The following DUOX1 variants were observed in gnomAD, a reference collection of about 807,000 sequenced individuals.
DUOX1 encodes dual oxidase 1.
Under a neutral mutation model 181.8 loss-of-function variants are expected in DUOX1, and 134 were observed. The observed-to-expected ratio is 0.74, with a 90% CI of 0.64 to 0.85. DUOX1 has a LOEUF of 0.85. Ranked by LOEUF, DUOX1 falls within the 40% of genes least tolerant of loss-of-function variation. DUOX1 has a pLI of 0.00. For synonymous variants in DUOX1, 798 were observed against 832.5 expected, an observed-to-expected ratio of 0.96 and a Z score of 0.71; for missense variants, 1,814 against 2,064.4, an observed-to-expected ratio of 0.88 and a Z score of 2.35.
chr15:45,164,688 C>T, intron 33 of DUOX1, 91 bp from the exon 34 acceptor site: 1 of 1,470,510 alleles, frequency 6.8e-7, no homozygotes, highest in East Asian at 2.3e-5. Context: ...CCAGGCTGGT[C>T]TTGAACTAGG....
intron 25 of DUOX1, 127 bp from the exon 26 acceptor site, chr15:45,153,253 G>C: frequency 1.9e-6 from 1 of 524,004 alleles, no homozygotes; most frequent in South Asian, 2.2e-5. Context: ...AAAGAGGTCA[G>C]AAGTCGAGAC....
At chr15:45,156,037 C>T (rs892422804) in intron 28 of DUOX1, 108 bp downstream of exon 28, 133 of 1,433,172 alleles carry the variant, frequency 9.3e-5, no homozygotes, top group Non-Finnish European at 1.2e-4. Context: ...TTGAAGCATC[C>T]TCTTCACTTC....
chr15:45,154,077 C>A, intron 27 of DUOX1, 77 bp downstream of exon 27: 1 of 1,369,252 alleles, frequency 7.3e-7, no homozygotes, highest in East Asian at 2.3e-5. Flanking sequence ...CACCCCAGAG[C>A]AACCCACGTT....
At chr15:45,138,885 G>T in intron 10 of DUOX1, 181 bp from the exon 11 acceptor site, 1 of 603,160 alleles carries the variant, frequency 1.7e-6, no homozygotes, top group East Asian at 2.8e-5. Context: ...ACTGACAGAG[G>T]GGACACCCCT....
intron 26 of DUOX1, 94 bp downstream of exon 26, chr15:45,153,573 G>A: frequency 1.6e-6 from 2 of 1,277,164 alleles, no homozygotes; most frequent in Non-Finnish European, 2.3e-6. Context: ...CCTTTTGGGT[G>A]GAAAGAAATT....
chr15:45,136,821 C>T (rs1567009162), intron 9 of DUOX1, among the ~76,000 whole-genome samples, 196 bp downstream of exon 9: 2 of 151,864 alleles, frequency 1.3e-5, no homozygotes, highest in Non-Finnish European at 2.9e-5. Context: ...CTTCCATTCT[C>T]CTGCTGCTGG....
intron 30 of DUOX1, 82 bp from the exon 31 acceptor site, chr15:45,162,137 C>T (rs1337904485): frequency 6.5e-7 from 1 of 1,549,110 alleles, no homozygotes; most frequent in African/African-American, 1.4e-5. Context: ...ATATACGTAT[C>T]TACCTTTCCT....
At chr15:45,161,093 G>A (rs1897088125) in intron 29 of DUOX1, 103 bp downstream of exon 29, 20 of 1,535,278 alleles carry the variant, frequency 1.3e-5, no homozygotes, top group Admixed American at 1.9e-5. Flanking sequence ...AGTGGAGCTG[G>A]CAGGTGCCTT....
In DUOX1 at chr15:45,151,909, C is replaced by T. The variant is rs1896814485; in HGVS notation, c.3050C>T (p.Ala1017Val). Residue 1017 changes from alanine to valine, a missense_variant, in exon 24 of 34, where the codon GCG becomes GTG. Ala to Val is a moderately conservative substitution (Grantham distance 64). Around this residue, in one of 5 missense-constraint regions of DUOX1, gnomAD observed 1,064 missense variants for 1,152.9 expected, o/e 0.92. Coordinates refer to ENST00000389037, the MANE Select transcript of DUOX1 (RefSeq NM_175940.3). ...TTCCAGCCCTTGCTGTTCACTGAGG[C>T]GCACCGAGAGAAGTTCCAACGCAGC... Reference protein sequence around the residue: ...TSFQPLLFTEAHREKFQRSCL... With the variant: ...TSFQPLLFTEVHREKFQRSCL... 1 of 1,613,256 alleles carries T rather than the reference C, an allele frequency of 6.2e-7. No homozygotes were observed. The highest frequency in any genetic ancestry group is 2.2e-5 in the East Asian group (1 of 44,810).
chr15:45,136,064 G>A (rs1896304612), intron 7 of DUOX1, 116 bp downstream of exon 7: 2 of 1,521,384 alleles, frequency 1.3e-6, no homozygotes, highest in Non-Finnish European at 1.8e-6. Flanking sequence ...CCCCTCCCCA[G>A]ACAGCCGAGG....
At chr15:45,139,014 C>A in intron 10 of DUOX1, 52 bp from the exon 11 acceptor site, 1 of 1,536,794 alleles carries the variant, frequency 6.5e-7, no homozygotes, top group Non-Finnish European at 8.9e-7. Flanking sequence ...GGCTGTCTAA[C>A]CTCTGACCCC....
chr15:45,151,910 G>T lies in DUOX1; in HGVS notation c.3051G>T (p.Ala1017=), dbSNP rs772864476. 4.3e-6 allele frequency: 7 copies of T among 1,611,958 alleles called. No homozygotes were observed. Among genetic ancestry groups the T allele is most frequent in the African/African-American group, 1.3e-5 (1 of 74,326 alleles). Residue 1017 remains alanine, a synonymous_variant, in exon 24 of 34, where the codon GCG becomes GCT. Coordinates refer to ENST00000389037, the MANE Select transcript of DUOX1 (RefSeq NM_175940.3). The part of the protein sequence containing the change: ...TSFQPLLFTE[A]HREKFQRSCL... ...TCCAGCCCTTGCTGTTCACTGAGGCGCACCGAGAGAAGTTCCAACGCAGCT... is the reference window on the plus strand; with the variant it reads ...TCCAGCCCTTGCTGTTCACTGAGGCTCACCGAGAGAAGTTCCAACGCAGCT...
At chr15:45,131,300 C>G (rs1157470524) in intron 1 of DUOX1, among the ~76,000 whole-genome samples, 1 of 152,208 alleles carries the variant, frequency 6.6e-6, no homozygotes, top group Non-Finnish European at 1.5e-5. Flanking sequence ...ACATGAGCAC[C>G]TGGTAGTGCA....
rs1451553160 is a variant in DUOX1 at position 45,136,527 on chromosome 15, A to G, written c.926-2A>G. On this transcript the variant is annotated splice_acceptor_variant, in intron 8 of 33. Transcript: ENST00000389037. LOFTEE classifies it high-confidence loss of function. ...CTGTCCTCTCTTCTCCTATTTCCCCAGGATACCGGCCATTTCTGGACCCCA... is the reference window on the plus strand; with the variant it reads ...CTGTCCTCTCTTCTCCTATTTCCCCGGGATACCGGCCATTTCTGGACCCCA... 6.2e-7 allele frequency: 1 copy of G among 1,614,164 alleles called. No individual in the cohort carries two copies. The highest frequency in any genetic ancestry group is 1.1e-5 in the South Asian group (1 of 91,086).
At chr15:45,139,042 C>T (rs1896417437) in intron 10 of DUOX1, 24 bp from the exon 11 acceptor site, 1 of 1,606,462 alleles carries the variant, frequency 6.2e-7, no homozygotes, top group Admixed American at 1.7e-5. Flanking sequence ...ACACCCCTTT[C>T]CTCCCCACCC....
At chr15:45,137,329 C>T (rs553807650) in intron 9 of DUOX1, among the ~76,000 whole-genome samples, 62 of 125,808 alleles carry the variant, frequency 4.9e-4, no homozygotes, top group African/African-American at 1.7e-3. Flanking sequence ...CATTGCACTC[C>T]GGCCTGGACA....
At chr15:45,133,569 C>T (rs1196477604) in intron 2 of DUOX1, among the ~76,000 whole-genome samples, 1 of 152,174 alleles carries the variant, frequency 6.6e-6, no homozygotes, top group Non-Finnish European at 1.5e-5. Flanking sequence ...CACCACTGCT[C>T]TCCTCCAGCC....
In DUOX1 at chr15:45,144,967, G is replaced by C. The variant is rs200730389; in HGVS notation, c.2209G>C (p.Gly737Arg). 2.5e-6 allele frequency: 4 copies of C among 1,613,998 alleles called. No individual in the cohort carries two copies. The highest frequency in any genetic ancestry group is 1.1e-5 in the South Asian group (1 of 91,070). The change falls in exon 18 of 34, where the codon GGG becomes CGG. Residue 737 changes from glycine to arginine, a missense_variant. Around this residue, in one of 5 missense-constraint regions of DUOX1, gnomAD observed 1,064 missense variants for 1,152.9 expected, o/e 0.92. Transcript: ENST00000389037. ...ENLRGALKES[G>R]LSIQEWELRE... ...TCTCCGGGGAGCTCTGAAGGAGAGC[G>C]GGTTGAGCATCCAGGAGTGGGAGCT...
chr15:45,156,225 C>G (rs1043381739), intron 28 of DUOX1, among the ~76,000 whole-genome samples: 1 of 152,144 alleles, frequency 6.6e-6, no homozygotes, highest in African/African-American at 2.4e-5. Flanking sequence ...TAGTCTTTCC[C>G]CACTTTGGGT....
Sources: allele counts gnomAD v4.1 joint callset (sites outside exome capture counted in the v4.1 genomes callset), GRCh38; gene constraint gnomAD v4.1.1; regional missense constraint gnomAD v4.1.1; transcripts MANE v1.5; gene names NCBI Gene and HGNC (gene_info 2026-07-23, HGNC 2026-07-21).